Variants in TAFA2 observed in about 807,000 individuals in gnomAD.
The protein encoded by TAFA2 is chemokine-like protein TAFA-2.
TAFA2 carries 7 observed loss-of-function variants against 18.8 expected under a neutral mutation model. That is an observed-to-expected ratio of 0.37 (90% CI 0.21 to 0.70). TAFA2 has a LOEUF of 0.70. Among genes scored for constraint, TAFA2 ranks in the 30% least tolerant of loss-of-function variants. The pLI is 0.53. For synonymous variants in TAFA2, 60 were observed against 54.2 expected (o/e 1.11, Z -0.47); for missense variants, 122 against 158.1 (o/e 0.77, Z 1.23).
At chr12:62,030,373 A>G (rs186565789) in intron 1 of TAFA2, among the ~76,000 whole-genome samples, 1 of 152,318 alleles carries the variant, frequency 6.6e-6, no homozygotes, top group East Asian at 1.9e-4. Flanking sequence ...AGATAATGTT[A>G]ATATGGGAGA....
At chr12:62,018,089 A>G (rs940975181) in intron 1 of TAFA2, among the ~76,000 whole-genome samples, 1 of 152,146 alleles carries the variant, frequency 6.6e-6, no homozygotes, top group Non-Finnish European at 1.5e-5. Context: ...ATGGGGAGAG[A>G]TATGATATAA....
Position 61,737,902 on chromosome 12 carries a change from T to C in TAFA2, c.384+15720A>G, listed in dbSNP as rs146511875. ...GCATAGAACAAAGCTTGCTCTATTTTTGAGATTATACTAGAGTCAAGACAA... is the reference window on the plus strand; with the variant it reads ...GCATAGAACAAAGCTTGCTCTATTTCTGAGATTATACTAGAGTCAAGACAA... On this transcript the variant is annotated intron_variant, in intron 4 of 4. Transcript: ENST00000416284. Among the ~76,000 whole-genome samples the C allele has an allele frequency of 5.5e-3, 839 of 152,106 alleles. 5 individuals carry two copies. Among genetic ancestry groups the C allele is most frequent in the African/African-American group, 0.019 (805 of 41,542 alleles).
intron 1 of TAFA2, among the ~76,000 whole-genome samples, chr12:62,216,364 A>C (rs1249940201): frequency 6.6e-6 from 1 of 152,178 alleles, no homozygotes; most frequent in Non-Finnish European, 1.5e-5. Context: ...CAAGACAGTA[A>C]ATTTTAACAA....
intron 1 of TAFA2, among the ~76,000 whole-genome samples, chr12:61,891,978 T>G (rs1875655255): frequency 6.6e-6 from 1 of 151,034 alleles, no homozygotes; most frequent in African/African-American, 2.4e-5. Flanking sequence ...CATTAAAAAG[T>G]GCTGCTGCAT....
chr12:61,879,275 T>A, intron 1 of TAFA2: 1 of 423,774 alleles, frequency 2.4e-6, no homozygotes, highest in Non-Finnish European at 4.2e-6. Flanking sequence ...TTCTCGAATC[T>A]CCGCCTGGTT....
At chr12:62,010,295 G>T (rs1405904472) in intron 1 of TAFA2, among the ~76,000 whole-genome samples, 1 of 151,974 alleles carries the variant, frequency 6.6e-6, no homozygotes, top group African/African-American at 2.4e-5. Flanking sequence ...CTTGGCCTGG[G>T]TTTGCCAGCG....
At position 61,989,583 on chromosome 12, in the gene TAFA2, G is replaced by A. The variant is rs369756437; in HGVS notation, c.-1-122157C>T. ...AAGAATGGTTACTGCCCTCTTTACA[G>A]GGGAGAAGCCAGGGCCCGCTCACGG... On this transcript the variant is annotated intron_variant, in intron 1 of 4. Coordinates refer to ENST00000416284, the MANE Select transcript of TAFA2 (RefSeq NM_178539.5). Among the ~76,000 whole-genome samples, 11 of 152,252 alleles carry A rather than the reference G, an allele frequency of 7.2e-5. 1 individual carries two copies. The highest frequency in any genetic ancestry group is 2.1e-4 in the South Asian group (1 of 4,828).
intron 1 of TAFA2, among the ~76,000 whole-genome samples, chr12:61,872,942 T>G (rs1462220649): frequency 6.6e-6 from 1 of 152,206 alleles, no homozygotes; most frequent in Admixed American, 6.5e-5. Flanking sequence ...ATTCACTATT[T>G]TATACATTTG....
At chr12:62,006,225 G>T (rs1490248772) in intron 1 of TAFA2, among the ~76,000 whole-genome samples, 2 of 152,076 alleles carry the variant, frequency 1.3e-5, no homozygotes, top group African/African-American at 4.8e-5. Flanking sequence ...TTTATCAGTG[G>T]TTTGTTTTGT....
chr12:62,174,109 C>G (rs1422709330), intron 1 of TAFA2, among the ~76,000 whole-genome samples: 1 of 152,124 alleles, frequency 6.6e-6, no homozygotes, highest in Non-Finnish European at 1.5e-5. Flanking sequence ...CTGGCCAACA[C>G]AGTGAAACTC....
At position 62,235,453 on chromosome 12, in the gene TAFA2, C is replaced by T. The variant is rs945889899; in HGVS notation, c.-130+23310G>A. On this transcript the variant is annotated intron_variant, in intron 1 of 5. Transcript: ENST00000551619. ...ACTTATCCTGGGCAGCCTGGTGCGC[C>T]GCCTGCCACTGGCTCAGCTTCCCAG... 17 of 626,410 alleles carry T rather than the reference C, an allele frequency of 2.7e-5. No homozygotes were observed. In the Admixed American group the frequency reaches 3.0e-4, roughly 11 times the overall value. 38.8% of individuals were successfully genotyped at this position (626,410 alleles called of 1,614,324 possible). A position where few individuals can be genotyped will look rare whatever the true frequency, so the allele number is the denominator to read the frequency against.
rs192762702 is a variant in TAFA2 at position 61,837,005 on chromosome 12, T to C, written c.106+30315A>G. On this transcript the variant is annotated intron_variant, in intron 2 of 4. Transcript: ENST00000416284. ...AATTTTATTTATAATGTTTTTTAAG[T>C]GACCAAAGTTTTTAATTTTTACATT... is the stretch of plus-strand genomic sequence containing the variant. Among the ~76,000 whole-genome samples, 50 of 151,600 alleles carry C rather than the reference T, an allele frequency of 3.3e-4. No homozygotes were observed. In the East Asian group the frequency reaches 9.5e-3, roughly 29 times the overall value.
intron 1 of TAFA2, among the ~76,000 whole-genome samples, chr12:62,236,914 G>T (rs11174387): frequency 6.6e-6 from 1 of 151,816 alleles, no homozygotes; most frequent in East Asian, 1.9e-4. Context: ...TTTATTATAC[G>T]CCTTGAGGTA....
At position 61,744,090 on chromosome 12, in the gene TAFA2, A is replaced by T. The variant is rs573597515; in HGVS notation, c.384+9532T>A. Among the ~76,000 whole-genome samples, 117 of 152,242 alleles carry T rather than the reference A, an allele frequency of 7.7e-4. 2 individuals carry two copies. The highest frequency in any genetic ancestry group is 2.8e-3 in the African/African-American group (115 of 41,570). On this transcript the variant is annotated intron_variant, in intron 4 of 4. Transcript: ENST00000416284. The stretch of plus-strand genomic sequence containing the variant: ...CAAATATCAAGGTCTTAAACATTAG[A>T]TATAAAGCCCTGACAGAATTTTATC...
chr12:62,121,873 T>A (rs1870211724), intron 1 of TAFA2, among the ~76,000 whole-genome samples: 1 of 152,168 alleles, frequency 6.6e-6, no homozygotes, highest in Non-Finnish European at 1.5e-5. Context: ...ACCATTGAAT[T>A]CCCAGGTGAA....
chr12:61,747,728 G>T (rs1303387461), intron 4 of TAFA2, among the ~76,000 whole-genome samples: 1 of 133,706 alleles, frequency 7.5e-6, no homozygotes, highest in African/African-American at 2.9e-5. Flanking sequence ...GGTGGGGGGA[G>T]CGGGGAGGGA....
At chr12:61,940,821 G>C (rs1014694444) in intron 1 of TAFA2, among the ~76,000 whole-genome samples, 1 of 152,158 alleles carries the variant, frequency 6.6e-6, no homozygotes, top group Non-Finnish European at 1.5e-5. Context: ...GAATGCCGCT[G>C]AATGCCACTA....
chr12:62,000,258 C>CA (rs1880336073), intron 1 of TAFA2, among the ~76,000 whole-genome samples: 1 of 115,478 alleles, frequency 8.7e-6, no homozygotes, highest in Admixed American at 1.2e-4. Flanking sequence ...TTTTCATTAT[C>CA]CTAACTATAT....
At chr12:62,007,327 T>C (rs61256766) in intron 1 of TAFA2, among the ~76,000 whole-genome samples, 16,666 of 152,246 alleles carry the variant, frequency 0.11, 1,159 homozygotes, top group East Asian at 0.17. Flanking sequence ...CACATCCTCT[T>C]ACCCTGATCT....
Sources: allele counts gnomAD v4.1 joint callset (sites outside exome capture counted in the v4.1 genomes callset), GRCh38; gene constraint gnomAD v4.1.1; transcripts MANE v1.5; gene names NCBI Gene and HGNC (gene_info 2026-07-23, HGNC 2026-07-21).